Variants in CCBE1 observed in about 807,000 individuals in gnomAD.
CCBE1 encodes collagen and calcium binding EGF domains 1.
CCBE1 carries 37 observed loss-of-function variants against 50.0 expected under a neutral mutation model. That is an observed-to-expected ratio of 0.74 (90% CI 0.57 to 0.97). CCBE1 has a LOEUF of 0.97. Ranked by LOEUF, CCBE1 falls within the 50% of genes least tolerant of loss-of-function variation. The pLI is 0.00. For synonymous variants in CCBE1, 234 were observed against 203.7 expected (o/e 1.15, Z -1.27); for missense variants, 538 against 523.8 (o/e 1.03, Z -0.26).
intron 5 of CCBE1, 89 bp downstream of exon 5, chr18:59,466,650 T>A (rs1161801676): frequency 1.5e-6 from 1 of 673,334 alleles, no homozygotes; most frequent in South Asian, 3.0e-5. Context: ...TATAATCATA[T>A]CTATATAATA....
chr18:59,444,006 ACTAGCTTATTT>A (rs1910562432), intron 7 of CCBE1, among the ~76,000 whole-genome samples: 1 of 152,154 alleles, frequency 6.6e-6, no homozygotes, highest in Non-Finnish European at 1.5e-5. Flanking sequence ...TCATTTTTTG[ACTAGCTTATTT>A]CACTTAGCCT....
At chr18:59,564,363 CTA>C (rs1243747231) in intron 2 of CCBE1, among the ~76,000 whole-genome samples, 2 of 152,098 alleles carry the variant, frequency 1.3e-5, no homozygotes, top group Non-Finnish European at 1.5e-5. Context: ...AAATGAGATA[CTA>C]TATATATACA....
intron 2 of CCBE1, among the ~76,000 whole-genome samples, chr18:59,527,448 C>T (rs1304317720): frequency 6.6e-6 from 1 of 152,128 alleles, no homozygotes; most frequent in Non-Finnish European, 1.5e-5. Flanking sequence ...ACTCTCTACC[C>T]AGCTTGCCAT....
At chr18:59,678,125 T>C (rs1387212599) in intron 2 of CCBE1, among the ~76,000 whole-genome samples, 1 of 152,146 alleles carries the variant, frequency 6.6e-6, no homozygotes, top group Non-Finnish European at 1.5e-5. Context: ...CTGATAAGTG[T>C]GTGCAACAGT....
At chr18:59,453,797 T>G (rs896734727) in intron 6 of CCBE1, among the ~76,000 whole-genome samples, 1 of 152,190 alleles carries the variant, frequency 6.6e-6, no homozygotes, top group Non-Finnish European at 1.5e-5. Flanking sequence ...AAGGGTGATT[T>G]CTGAGTCCCT....
chr18:59,648,690 A>T (rs1337434018), intron 2 of CCBE1, among the ~76,000 whole-genome samples: 1 of 152,194 alleles, frequency 6.6e-6, no homozygotes, highest in Non-Finnish European at 1.5e-5. Context: ...CAACAGAGCA[A>T]GACCCTGTCT....
At chr18:59,487,890 T>G (rs1259479651) in intron 2 of CCBE1, among the ~76,000 whole-genome samples, 1 of 152,190 alleles carries the variant, frequency 6.6e-6, no homozygotes, top group Non-Finnish European at 1.5e-5. Context: ...CAGATATTTG[T>G]ACACCAATGG....
intron 7 of CCBE1, among the ~76,000 whole-genome samples, chr18:59,444,908 G>C (rs1910604680): frequency 6.6e-6 from 1 of 151,812 alleles, no homozygotes; most frequent in African/African-American, 2.4e-5. Flanking sequence ...GTGCTTTTTT[G>C]TTGAATATTG....
chr18:59,524,875 C>T (rs1914754528), intron 2 of CCBE1, among the ~76,000 whole-genome samples: 1 of 152,144 alleles, frequency 6.6e-6, no homozygotes, highest in Non-Finnish European at 1.5e-5. Flanking sequence ...TGTTAGTTTG[C>T]TGAGGATAAT....
At chr18:59,610,669 A>C (rs2053556194) in intron 2 of CCBE1, among the ~76,000 whole-genome samples, 1 of 152,232 alleles carries the variant, frequency 6.6e-6, no homozygotes, top group African/African-American at 2.4e-5. Flanking sequence ...CAGGGAAAGG[A>C]GCATGGGTGC....
intron 2 of CCBE1, among the ~76,000 whole-genome samples, chr18:59,651,768 T>C (rs2054131416): frequency 6.6e-6 from 1 of 152,204 alleles, no homozygotes; most frequent in Non-Finnish European, 1.5e-5. Flanking sequence ...CCCCACCTTG[T>C]AGTTCATGTA....
At chr18:59,512,936 C>A (rs79910730) in intron 2 of CCBE1, among the ~76,000 whole-genome samples, 16,987 of 152,080 alleles carry the variant, frequency 0.11, 1,616 homozygotes, top group East Asian at 0.34. Context: ...AGCACCTCTA[C>A]GACAGGAGGG....
At chr18:59,597,518 G>C (rs769695534) in intron 2 of CCBE1, among the ~76,000 whole-genome samples, 1 of 152,120 alleles carries the variant, frequency 6.6e-6, no homozygotes, top group African/African-American at 2.4e-5. Context: ...ATGACCCAAG[G>C]CTCATTGGGT....
chr18:59,521,880 G>T (rs530697481), intron 2 of CCBE1, among the ~76,000 whole-genome samples: 76 of 152,192 alleles, frequency 5.0e-4, no homozygotes, highest in Non-Finnish European at 9.3e-4. Flanking sequence ...GGTTGGGTAA[G>T]TTTGGAAAAT....
chr18:59,608,739 C>T (rs1329860876), intron 2 of CCBE1, among the ~76,000 whole-genome samples: 1 of 152,184 alleles, frequency 6.6e-6, no homozygotes, highest in Non-Finnish European at 1.5e-5. Context: ...TTCTCTTCTA[C>T]ACGGAGTCTT....
intron 2 of CCBE1, among the ~76,000 whole-genome samples, chr18:59,578,653 T>C (rs2053037774): frequency 6.6e-6 from 1 of 152,170 alleles, no homozygotes; most frequent in Non-Finnish European, 1.5e-5. Flanking sequence ...TGCAGGGACA[T>C]GAAGCTGGAA....
chr18:59,510,483 G>T (rs561567583), intron 2 of CCBE1, among the ~76,000 whole-genome samples: 2 of 151,926 alleles, frequency 1.3e-5, no homozygotes, highest in Non-Finnish European at 2.9e-5. Flanking sequence ...GGGCAATGGC[G>T]TGATCTCAGC....
chr18:59,629,875 C>G (rs1466241137), intron 2 of CCBE1, among the ~76,000 whole-genome samples: 2 of 152,142 alleles, frequency 1.3e-5, no homozygotes, highest in Non-Finnish European at 2.9e-5. Context: ...GATGTGTACA[C>G]CAAGTTTTTA....
At chr18:59,635,794 A>T (rs185780176) in intron 2 of CCBE1, among the ~76,000 whole-genome samples, 28 of 152,300 alleles carry the variant, frequency 1.8e-4, no homozygotes. Context: ...GCATAGAAAA[A>T]GCACAAAATG....
Sources: gnomAD v4.1 joint callset for allele counts (sites outside exome capture counted in the v4.1 genomes callset) on GRCh38, gnomAD v4.1.1 for gene constraint, MANE v1.5 for transcripts, NCBI Gene and HGNC (gene_info 2026-07-23, HGNC 2026-07-21) for gene names.